Variants in PTPRN observed in about 807,000 individuals in gnomAD.
PTPRN encodes the protein receptor-type tyrosine-protein phosphatase-like N.
PTPRN carries 70 observed loss-of-function variants against 108.5 expected under a neutral mutation model. The observed-to-expected ratio is 0.65, with a 90% confidence interval of 0.53 to 0.79. PTPRN has a LOEUF of 0.79. Ranked by LOEUF, PTPRN falls within the 30% of genes least tolerant of loss-of-function variation. The pLI is 0.00. For missense variants in PTPRN, 1,136 were observed against 1,295.5 expected (o/e 0.88, Z 1.89); for synonymous variants, 496 against 524.6 (o/e 0.95, Z 0.75).
chr2:219,304,301 G>A (rs562575278), intron 3 of PTPRN, among the ~76,000 whole-genome samples: 5 of 152,102 alleles, frequency 3.3e-5, no homozygotes, highest in East Asian at 1.9e-4. Flanking sequence ...AAGTGGAAAC[G>A]ATACATATTT....
rs1233484991 is a variant in PTPRN at position 219,301,628 on chromosome 2, G to A, written c.1086C>T (p.Thr362=). The change falls in exon 7 of 23, where the codon ACC becomes ACT. Residue 362 remains threonine (T), a synonymous_variant. Transcript: ENST00000295718. ...CACCCTTGGGCAGTAGCTGCAGCAG[G>A]GTCAGGAGTGTGGAGAGCTGCTCAG... is the stretch of plus-strand genomic sequence containing the variant. ...LTPEQLSTLL[T]LLQLLPKGAG... 6 of 1,613,312 alleles carry A rather than the reference G, an allele frequency of 3.7e-6. No homozygotes were observed. In the African/African-American group the frequency reaches 6.7e-5, roughly 18 times the overall value.
rs140594099 is a variant in PTPRN, at chr2:219,297,390, C to A, written c.1931G>T (p.Arg644Leu). ...QHMATKSLFN[R>L]AEGPPEPSRV... The stretch of plus-strand genomic sequence containing the variant: ...TGAAGGCTCCGGTGGACCCTCTGCC[C>A]GGTTGAACAAGGACTTCGTGGCCAT... Residue 644 changes from arginine (R) to leucine (L), a missense_variant, in exon 14 of 23, where the codon CGG (arginine) becomes CTG (leucine). Physicochemically the swap from Arg to Leu is moderately radical, Grantham distance 102 (BLOSUM62 -2). Coordinates refer to ENST00000295718, the MANE Select transcript of PTPRN (RefSeq NM_002846.4). The surrounding 1 kb of genome is among the most constrained non-coding windows in gnomAD (Gnocchi z 6.0). 1.9e-6 allele frequency: 3 copies of A among 1,614,068 alleles called. No individual in the cohort carries two copies. The highest frequency in any genetic ancestry group is 2.5e-6 in the Non-Finnish European group (3 of 1,180,020).
chr2:219,309,140 C>T (rs1196266645), intron 1 of PTPRN, 78 bp downstream of exon 1: 4 of 1,451,342 alleles, frequency 2.8e-6, no homozygotes, highest in Admixed American at 2.0e-5. Context: ...ATTTCACCCT[C>T]ACCCCCACCG....
Position 219,301,638 on chromosome 2 carries a change from G to A in PTPRN, c.1076C>T (p.Thr359Ile). 1 of 1,613,634 alleles carries A rather than the reference G, an allele frequency of 6.2e-7. No individual in the cohort carries two copies. The change falls in exon 7 of 23, where the codon ACA (threonine) becomes ATA (isoleucine). Residue 359 changes from threonine to isoleucine, a missense_variant. Physicochemically the swap from Thr to Ile is moderately conservative, Grantham distance 89 (BLOSUM62 -1). Coordinates refer to ENST00000295718, the MANE Select transcript of PTPRN (RefSeq NM_002846.4). ...LRQLTPEQLS[T>I]LLTLLQLLPK... ...CAGTAGCTGCAGCAGGGTCAGGAGTGTGGAGAGCTGCTCAGGGGTCAGCTG... is the reference window on the plus strand; with the variant it reads ...CAGTAGCTGCAGCAGGGTCAGGAGTATGGAGAGCTGCTCAGGGGTCAGCTG...
rs1952247349 is a variant in PTPRN, at chr2:219,298,088, C to T, written c.1684G>A (p.Ala562Thr). Residue 562 changes from alanine to threonine, a missense_variant, in exon 13 of 23, where the codon GCA (alanine) becomes ACA (threonine). Transcript: ENST00000295718. ...TGVGQREEAA[A>T]VLPQTAHSTS... ...CTGTGCGCAGTTTGGGGAAGGACTGCAGCTGCCTCCTCCCTCTGTGGGAAC... is the reference window on the plus strand; with the variant it reads ...CTGTGCGCAGTTTGGGGAAGGACTGTAGCTGCCTCCTCCCTCTGTGGGAAC... 2.5e-6 allele frequency: 4 copies of T among 1,613,086 alleles called. No homozygotes were observed. The South Asian group carries it at 3.3e-5, about 13-fold the overall frequency.
In PTPRN at chr2:219,301,591, G is replaced by A; in HGVS notation, c.1123C>T (p.Pro375Ser). 1.2e-6 allele frequency: 2 copies of A among 1,605,732 alleles called. No individual in the cohort carries two copies. The highest frequency in any genetic ancestry group is 2.2e-5 in the East Asian group (1 of 44,624). The change falls in exon 7 of 23, where the codon CCG (proline) becomes TCG (serine). Residue 375 changes from proline to serine, a missense_variant. Coordinates refer to ENST00000295718, the MANE Select transcript of PTPRN (RefSeq NM_002846.4). The stretch of plus-strand genomic sequence containing the variant: ...CTCCCTCTGCCTGGACACTTACCCG[G>A]ATTTCTTCCTGCACCCTTGGGCAGT... ...QLLPKGAGRNPGGVVNVGADI... is the reference protein window; with the variant it reads ...QLLPKGAGRNSGGVVNVGADI...
At chr2:219,301,405 C>T (rs1338979664) in intron 7 of PTPRN, among the ~76,000 whole-genome samples, 183 bp downstream of exon 7, 1 of 152,166 alleles carries the variant, frequency 6.6e-6, no homozygotes, top group Non-Finnish European at 1.5e-5. Flanking sequence ...GATCTAACTC[C>T]TAAGCTTGCC....
chr2:219,302,442 A>C lies in PTPRN; in HGVS notation c.689T>G (p.Val230Gly). ...AGCCTTGGGCAGGGGGCCGACACTG[A>C]CCATCCCTGGGGAGCCCTCTGAGAC... is the stretch of plus-strand genomic sequence containing the variant. ...SRVSEGSPGM[V>G]SVGPLPKAEA... The change falls in exon 6 of 23, where the codon GTC (valine) becomes GGC (glycine). Residue 230 changes from valine to glycine, a missense_variant. Val to Gly is a moderately radical substitution (Grantham distance 109). Coordinates refer to ENST00000295718, the MANE Select transcript of PTPRN (RefSeq NM_002846.4). 1.2e-6 allele frequency: 2 copies of C among 1,614,100 alleles called. No individual in the cohort carries two copies. Among genetic ancestry groups the C allele is most frequent in the Non-Finnish European group, 1.7e-6 (2 of 1,179,970 alleles).
At position 219,296,462 on chromosome 2, in the gene PTPRN, G is replaced by C. The variant is rs141059049; in HGVS notation, c.2365C>G (p.His789Asp). 1 of 1,614,202 alleles carries C rather than the reference G, an allele frequency of 6.2e-7. No homozygotes were observed. Among genetic ancestry groups the C allele is most frequent in the East Asian group, 2.2e-5 (1 of 44,880 alleles). Reference sequence around the variant, plus strand: ...ACCTGCCAGAAGTCTGCGATGGTATGGGACAGCGGGCCCTGCGTGGCTATG... The same window carrying C: ...ACCTGCCAGAAGTCTGCGATGGTATCGGACAGCGGGCCCTGCGTGGCTATG... ...AYIATQGPLS[H>D]TIADFWQMVW... The change falls in exon 17 of 23, where the codon CAT becomes GAT. Residue 789 changes from histidine to aspartate, a missense_variant. Coordinates refer to ENST00000295718, the MANE Select transcript of PTPRN (RefSeq NM_002846.4). This position sits in a 1 kb window ranked among gnomAD's most constrained non-coding sequence, Gnocchi z 6.0.
chr2:219,309,215 G>C lies in PTPRN; in HGVS notation c.115+3C>G. ...CACCCGCCAGCCCAAGTTTCCTCCT[G>C]ACCGTGGGCACTAACGGCGCTGCAG... On this transcript the variant is annotated splice_donor_region_variant and intron_variant, in intron 1 of 22. Transcript: ENST00000295718. 6 of 1,505,510 alleles carry C rather than the reference G, an allele frequency of 4.0e-6. 1 individual carries two copies. The South Asian group carries it at 7.2e-5, about 18-fold the overall frequency. The allele number at this position is 1,505,510 out of a possible 1,614,324, so 93.3% of individuals were successfully genotyped here.
Position 219,302,336 on chromosome 2 carries a change from T to C in PTPRN, c.795A>G (p.Pro265=), listed in dbSNP as rs1952371875. 1 of 1,613,734 alleles carries C rather than the reference T, an allele frequency of 6.2e-7. No individual in the cohort carries two copies. Among genetic ancestry groups the C allele is most frequent in the Non-Finnish European group, 8.5e-7 (1 of 1,179,780 alleles). Residue 265 remains proline, a synonymous_variant, in exon 6 of 23, where the codon CCA becomes CCG. Coordinates refer to ENST00000295718, the MANE Select transcript of PTPRN (RefSeq NM_002846.4). Reference sequence around the variant, plus strand: ...GAAAAAGCTGGGCAGGTGAAGGCCCTGGAAGGTCCCCGTAGGAGTGGCCAG... The same window carrying C: ...GAAAAAGCTGGGCAGGTGAAGGCCCCGGAAGGTCCCCGTAGGAGTGGCCAG... ...DHPGHSYGDL[P]GPSPAQLFQD...
intron 3 of PTPRN, among the ~76,000 whole-genome samples, chr2:219,306,464 C>T (rs1360332004): frequency 6.6e-6 from 1 of 152,210 alleles, no homozygotes; most frequent in Non-Finnish European, 1.5e-5. Context: ...TGGTCCCCCT[C>T]ACCAACTCTT....
At chr2:219,293,877 G>T (rs1952108770) in intron 19 of PTPRN, among the ~76,000 whole-genome samples, 1 of 152,246 alleles carries the variant, frequency 6.6e-6, no homozygotes, top group Admixed American at 6.5e-5. Flanking sequence ...CCAAGTACCT[G>T]TCTGGGGCTA....
In PTPRN at chr2:219,290,736, C is replaced by A; in HGVS notation, c.2794+90G>T. The A allele has an allele frequency of 3.9e-6, 6 of 1,522,644 alleles. No homozygotes were observed. Among genetic ancestry groups the A allele is most frequent in the South Asian group, 1.1e-5 (1 of 88,650 alleles). 94.3% of individuals were successfully genotyped at this position (1,522,644 alleles called of 1,614,324 possible). ...CTGGGCAGAGCCTGGAGGTTGACAA[C>A]CTGCTCCTTCTGAGCTCCCAGGACC... On this transcript the variant is annotated intron_variant, in intron 21 of 22. Transcript: ENST00000295718. The surrounding 1 kb of genome is among the most constrained non-coding windows in gnomAD (Gnocchi z 4.2).
At chr2:219,294,901 A>C in intron 19 of PTPRN, 74 bp downstream of exon 19, 1 of 1,354,924 alleles carries the variant, frequency 7.4e-7, no homozygotes, top group Non-Finnish European at 9.6e-7. Flanking sequence ...CCGGGGCTCC[A>C]GGCCGAGCGG....
rs537042933 is a variant in PTPRN, at chr2:219,301,827, C to T, written c.995-108G>A. ...GACTAGCATGTTAAGAGAGTCTTCC[C>T]AGACACCAGGACACCAAGAGATGCC... On this transcript the variant is annotated intron_variant, in intron 6 of 22. Transcript: ENST00000295718. 4.2e-4 allele frequency: 572 copies of T among 1,351,784 alleles called. 1 individual carries two copies. The highest frequency in any genetic ancestry group is 2.3e-3 in the Middle Eastern group (10 of 4,312). 83.7% of individuals were successfully genotyped at this position (1,351,784 alleles called of 1,614,324 possible). A position where few individuals can be genotyped will look rare whatever the true frequency, so the allele number is the denominator to read the frequency against.
At chr2:219,294,852 G>C (rs1952142487) in intron 19 of PTPRN, 123 bp downstream of exon 19, 1 of 1,008,404 alleles carries the variant, frequency 9.9e-7, no homozygotes. Context: ...GGTCTGGAGC[G>C]GGCGGCCAGA....
At chr2:219,303,894 C>T (rs2271594) in intron 3 of PTPRN, 63 bp from the exon 4 acceptor site, 374,467 of 1,299,840 alleles carry the variant, frequency 0.29, 64,437 homozygotes, top group African/African-American at 0.76. Flanking sequence ...ACGGGGACCA[C>T]TGGGGATCAG....
In PTPRN at chr2:219,289,955, A is replaced by C; in HGVS notation, c.*271T>G. ...CCAGGCCAGGGAATGTAGGCAGGAG[A>C]AGGCTCTGGGTAGAATTGCTACCCA... is the stretch of plus-strand genomic sequence containing the variant. On this transcript the variant is annotated 3_prime_UTR_variant, in exon 23 of 23. Coordinates refer to ENST00000295718, the MANE Select transcript of PTPRN (RefSeq NM_002846.4). 2 of 463,194 alleles carry C rather than the reference A, an allele frequency of 4.3e-6. No individual in the cohort carries two copies. Among genetic ancestry groups the C allele is most frequent in the Non-Finnish European group, 7.9e-6 (2 of 253,792 alleles). 28.7% of individuals were successfully genotyped at this position (463,194 alleles called of 1,614,324 possible).
Sources: gnomAD v4.1 joint callset for allele counts (sites outside exome capture counted in the v4.1 genomes callset) on GRCh38, gnomAD v4.1.1 for gene constraint, Gnocchi (gnomAD v3.1) non-coding constraint, MANE v1.5 for transcripts, NCBI Gene and HGNC (gene_info 2026-07-23, HGNC 2026-07-21) for gene names.